IMMP2L: variants seen among roughly 807,000 people sequenced by gnomAD.
IMMP2L encodes the protein mitochondrial inner membrane protease subunit 2.
In IMMP2L, 18 loss-of-function variants were observed where a neutral mutation model predicts 19.3. The observed-to-expected ratio is 0.93, with a 90% confidence interval of 0.64 to 1.38. The LOEUF (loss-of-function observed/expected upper bound fraction) is 1.38. IMMP2L is among the 40% of genes most tolerant of loss of function. The pLI, the probability that IMMP2L is intolerant of heterozygous loss-of-function variation, is 0.00. For missense variants in IMMP2L, 233 were observed against 218.2 expected (o/e 1.07, Z -0.43); for synonymous variants, 76 against 73.0 (o/e 1.04, Z -0.21).
At chr7:111,127,982 C>G (rs949437392) in intron 3 of IMMP2L, among the ~76,000 whole-genome samples, 7 of 152,002 alleles carry the variant, frequency 4.6e-5, no homozygotes, top group Non-Finnish European at 8.8e-5. Context: ...TAAGCAGCAA[C>G]AGGTTGGCAG....
intron 5 of IMMP2L, among the ~76,000 whole-genome samples, chr7:110,875,556 C>A (rs887782862): frequency 4.6e-5 from 7 of 151,910 alleles, no homozygotes; most frequent in African/African-American, 1.7e-4. Flanking sequence ...TGAAATGAAA[C>A]AATTTATATG....
chr7:110,877,692 G>A lies in IMMP2L; in HGVS notation c.408+8901C>T, dbSNP rs1365425882. On this transcript the variant is annotated intron_variant, in intron 5 of 5. Coordinates refer to ENST00000405709, the MANE Select transcript of IMMP2L (RefSeq NM_032549.4). The surrounding 1 kb of genome is among the most constrained non-coding windows in gnomAD (Gnocchi z 4.0). ...CCTCGGCAAGAGGCACTACTTTTTT[G>A]GTGCCTGTGTTTTTGAGAAACCTGC... Among the ~76,000 whole-genome samples, 3 of 151,932 alleles carry A rather than the reference G, an allele frequency of 2.0e-5. No individual in the cohort carries two copies. Among genetic ancestry groups the A allele is most frequent in the Admixed American group, 6.6e-5 (1 of 15,244 alleles).
chr7:111,371,517 G>A (rs1830262696), intron 3 of IMMP2L, among the ~76,000 whole-genome samples: 1 of 151,948 alleles, frequency 6.6e-6, no homozygotes, highest in Non-Finnish European at 1.5e-5. Flanking sequence ...TATGCCTAAG[G>A]CATCCATCAA....
intron 3 of IMMP2L, among the ~76,000 whole-genome samples, chr7:111,180,902 T>C (rs139132539): frequency 5.7e-4 from 86 of 152,162 alleles, no homozygotes; most frequent in Middle Eastern, 3.4e-3. Flanking sequence ...TTCCTTAAAG[T>C]AAATCTAGCA....
intron 3 of IMMP2L, among the ~76,000 whole-genome samples, chr7:111,483,029 C>T (rs762762795): frequency 6.6e-6 from 1 of 152,056 alleles, no homozygotes; most frequent in South Asian, 2.1e-4. Flanking sequence ...AGTGGGAAAA[C>T]AGGTGAAATC....
Position 111,029,282 on chromosome 7 carries a change from T to G in IMMP2L, c.240-65717A>C, listed in dbSNP as rs532650227. On this transcript the variant is annotated intron_variant, in intron 3 of 5. Transcript: ENST00000405709. ...AACAGAGAATTACATCAGGGAAGGA[T>G]CTGGTTTCAGCTCACTGGGAGCAAC... Among the ~76,000 whole-genome samples, 3 of 152,110 alleles carry G rather than the reference T, an allele frequency of 2.0e-5. No individual in the cohort carries two copies. The East Asian group carries it at 5.8e-4, about 29-fold the overall frequency.
At chr7:110,701,699 A>G (rs1224072122) in intron 5 of IMMP2L, among the ~76,000 whole-genome samples, 1 of 152,152 alleles carries the variant, frequency 6.6e-6, no homozygotes, top group Non-Finnish European at 1.5e-5. Context: ...TGCTGGAACT[A>G]CAGGTGTGAG....
At chr7:110,974,539 G>C (rs1022184573) in intron 3 of IMMP2L, among the ~76,000 whole-genome samples, 4 of 152,078 alleles carry the variant, frequency 2.6e-5, no homozygotes, top group Non-Finnish European at 5.9e-5. Flanking sequence ...ATTCAGTTTC[G>C]TTTTAAAATA....
chr7:110,927,227 T>C (rs544148525), intron 4 of IMMP2L, among the ~76,000 whole-genome samples: 5 of 152,148 alleles, frequency 3.3e-5, no homozygotes, highest in African/African-American at 1.2e-4. Flanking sequence ...TTTGGAGACC[T>C]TACCCAACAT....
intron 5 of IMMP2L, among the ~76,000 whole-genome samples, chr7:110,879,248 T>A (rs756350624): frequency 6.6e-6 from 1 of 151,830 alleles, no homozygotes; most frequent in Non-Finnish European, 1.5e-5. Flanking sequence ...AAAATTAGCC[T>A]GCTGTGGTGT....
chr7:110,811,382 C>A (rs1285366693), intron 5 of IMMP2L, among the ~76,000 whole-genome samples: 3 of 151,836 alleles, frequency 2.0e-5, no homozygotes, highest in Non-Finnish European at 2.9e-5. Context: ...GGCCTTAATG[C>A]CAAGCATTAG....
chr7:111,107,940 C>G (rs549569472), intron 3 of IMMP2L, among the ~76,000 whole-genome samples: 1 of 152,188 alleles, frequency 6.6e-6, no homozygotes, highest in Non-Finnish European at 1.5e-5. Flanking sequence ...TGAAATTTTG[C>G]ACCAAAAATA....
At chr7:111,118,086 T>C (rs555275195) in intron 3 of IMMP2L, among the ~76,000 whole-genome samples, 2 of 152,216 alleles carry the variant, frequency 1.3e-5, no homozygotes, top group African/African-American at 2.4e-5. Context: ...AATTAAGCAT[T>C]CTCTCCTTTG....
chr7:110,849,298 A>G (rs1336073413), intron 5 of IMMP2L, among the ~76,000 whole-genome samples: 1 of 152,148 alleles, frequency 6.6e-6, no homozygotes, highest in Non-Finnish European at 1.5e-5. Context: ...TTTTTGATAA[A>G]GAGTAACTTA....
chr7:110,937,046 C>T (rs1563094622), intron 4 of IMMP2L, among the ~76,000 whole-genome samples: 1 of 151,930 alleles, frequency 6.6e-6, no homozygotes. Flanking sequence ...CACACCAGGG[C>T]CGGTAGGGGG....
chr7:111,329,526 A>G lies in IMMP2L; in HGVS notation c.239+157712T>C, dbSNP rs981799716. Reference sequence around the variant, plus strand: ...TAAAACCACTGCTAGAAACAGAAAGAAACTCAGCCCTTGGCCCTATATATA... The same window carrying G: ...TAAAACCACTGCTAGAAACAGAAAGGAACTCAGCCCTTGGCCCTATATATA... On this transcript the variant is annotated intron_variant, in intron 3 of 5. Coordinates refer to ENST00000405709, the MANE Select transcript of IMMP2L (RefSeq NM_032549.4). Among the ~76,000 whole-genome samples the G allele has an allele frequency of 2.0e-5, 3 of 151,830 alleles. No individual in the cohort carries two copies. The Admixed American group carries it at 2.0e-4, about 10-fold the overall frequency.
chr7:111,539,424 A>G (rs1449009562), intron 1 of IMMP2L, among the ~76,000 whole-genome samples: 3 of 152,130 alleles, frequency 2.0e-5, no homozygotes, highest in African/African-American at 7.2e-5. Flanking sequence ...TAATCCACCC[A>G]ACTATAAGGC....
intron 3 of IMMP2L, among the ~76,000 whole-genome samples, chr7:111,298,899 A>C (rs1329269074): frequency 6.6e-6 from 1 of 152,166 alleles, no homozygotes; most frequent in Non-Finnish European, 1.5e-5. Context: ...GGCAGTATGA[A>C]AGAAAAGTAA....
At chr7:111,557,326 T>C (rs147315765) in intron 1 of IMMP2L, among the ~76,000 whole-genome samples, 2 of 152,124 alleles carry the variant, frequency 1.3e-5, no homozygotes, top group African/African-American at 4.8e-5. Flanking sequence ...GTATAAGAAG[T>C]GTACCCTGAA....
Sources: gnomAD v4.1 joint callset for allele counts (sites outside exome capture counted in the v4.1 genomes callset) on GRCh38, gnomAD v4.1.1 for gene constraint, Gnocchi (gnomAD v3.1) non-coding constraint, MANE v1.5 for transcripts, NCBI Gene and HGNC (gene_info 2026-07-23, HGNC 2026-07-21) for gene names.